Variants in NAALAD2 observed in about 807,000 individuals in gnomAD.
The protein encoded by NAALAD2 is N-acetylated alpha-linked acidic dipeptidase 2.
In NAALAD2, 89 loss-of-function variants were observed where a neutral mutation model predicts 95.6. The observed-to-expected ratio is 0.93, with a 90% CI of 0.78 to 1.11. The LOEUF is 1.11. Ranked by LOEUF, NAALAD2 falls within the 50% of genes least tolerant of loss-of-function variation. The probability of loss-of-function intolerance (pLI) is 0.00; values close to 1 mark genes in which losing one functional copy is unlikely to be tolerated. For synonymous variants in NAALAD2, 264 were observed against 294.4 expected (o/e 0.90, Z 1.06); for missense variants, 894 against 872.4 (o/e 1.02, Z -0.31).
intron 13 of NAALAD2, 122 bp downstream of exon 13, chr11:90,170,258 A>G: frequency 1.5e-6 from 1 of 664,858 alleles, no homozygotes; most frequent in South Asian, 2.0e-5. Context: ...AGAATCATAT[A>G]AACAAAACAA....
intron 6 of NAALAD2, among the ~76,000 whole-genome samples, chr11:90,156,900 T>A (rs1333351925): frequency 6.6e-6 from 1 of 152,196 alleles, no homozygotes; most frequent in Non-Finnish European, 1.5e-5. Context: ...TATTTAATTT[T>A]AAAATATTTG....
intron 14 of NAALAD2, 118 bp downstream of exon 14, chr11:90,174,033 GATA>G: frequency 1.3e-6 from 1 of 774,968 alleles, no homozygotes; most frequent in South Asian, 1.7e-5. Context: ...GCCAAGAAAA[GATA>G]ATGAAGAATT....
chr11:90,149,322 A>G (rs1951828923), intron 4 of NAALAD2, among the ~76,000 whole-genome samples: 2 of 152,224 alleles, frequency 1.3e-5, no homozygotes, highest in Non-Finnish European at 2.9e-5. Flanking sequence ...CAAAACAAAT[A>G]CATTAAAAAC....
rs778617123 is a variant in NAALAD2, at chr11:90,152,298, G to T, written c.610G>T (p.Val204Phe). The change falls in exon 6 of 19, where the codon GTT becomes TTT. Residue 204 changes from valine to phenylalanine, a missense_variant and splice_region_variant. Transcript: ENST00000534061. ...TATGAATTGCACATTGCCCCTGCAG[G>T]TTAAAAATGCCATGTTAGCAGGAGC... ...RYGKIFRGNK[V>F]KNAMLAGAIG... 3 of 1,586,614 alleles carry T rather than the reference G, an allele frequency of 1.9e-6. No homozygotes were observed. Among genetic ancestry groups the T allele is most frequent in the Non-Finnish European group, 2.6e-6 (3 of 1,159,360 alleles).
intron 6 of NAALAD2, among the ~76,000 whole-genome samples, chr11:90,155,057 CAT>C (rs1484449218): frequency 5.6e-4 from 68 of 121,222 alleles, no homozygotes; most frequent in African/African-American, 2.3e-3. Flanking sequence ...ATATTATATA[CAT>C]ATACATATGT....
chr11:90,168,576 C>T (rs780858829), intron 11 of NAALAD2, among the ~76,000 whole-genome samples: 1 of 152,158 alleles, frequency 6.6e-6, no homozygotes, highest in African/African-American at 2.4e-5. Context: ...AGTTCTGATT[C>T]AGTAGATCTA....
Position 90,191,813 on chromosome 11 carries a change from A to C in NAALAD2, c.*66A>C, listed in dbSNP as rs76754203. On this transcript the variant is annotated 3_prime_UTR_variant, in exon 19 of 19. Coordinates refer to ENST00000534061, the MANE Select transcript of NAALAD2 (RefSeq NM_005467.4). Reference sequence around the variant, plus strand: ...TCTGAGGATAAAATTCACCTTTCTGATAACTTATGAAGCCAGGGTGTTCTA... The same window carrying C: ...TCTGAGGATAAAATTCACCTTTCTGCTAACTTATGAAGCCAGGGTGTTCTA... 9,775 of 1,282,134 alleles carry C rather than the reference A, an allele frequency of 7.6e-3. 49 individuals carry two copies. Among genetic ancestry groups the C allele is most frequent in the South Asian group, 0.018 (907 of 49,622 alleles). The allele number at this position is 1,282,134 out of a possible 1,614,324, so 79.4% of individuals were successfully genotyped here.
chr11:90,134,253 G>T (rs541260318), upstream of NAALAD2, among the ~76,000 whole-genome samples: 2 of 152,132 alleles, frequency 1.3e-5, no homozygotes, highest in African/African-American at 4.8e-5. Flanking sequence ...CAGTGATTGC[G>T]GTATTAGTGA....
chr11:90,156,146 G>C (rs1952114018), intron 6 of NAALAD2, among the ~76,000 whole-genome samples: 4 of 151,742 alleles, frequency 2.6e-5, no homozygotes, highest in Admixed American at 2.6e-4. Flanking sequence ...TGTCTTGTTG[G>C]AAGTTTATTA....
intron 6 of NAALAD2, among the ~76,000 whole-genome samples, chr11:90,157,902 G>A (rs1952168350): frequency 6.6e-6 from 1 of 152,070 alleles, no homozygotes; most frequent in Admixed American, 6.6e-5. Context: ...TGTATTTTCA[G>A]TAGAGACGGG....
Position 90,188,722 on chromosome 11 carries a change from G to A in NAALAD2, c.2034-2836G>A, listed in dbSNP as rs1405686186. Among the ~76,000 whole-genome samples the A allele has an allele frequency of 2.0e-5, 3 of 152,178 alleles. No individual in the cohort carries two copies. The East Asian group carries it at 5.8e-4, about 29-fold the overall frequency. ...CATAGCAGCATGCTTGATAAATTTT[G>A]CAAACTTAATTATTTTTGAGTTGTG... On this transcript the variant is annotated intron_variant, in intron 18 of 18. Coordinates refer to ENST00000534061, the MANE Select transcript of NAALAD2 (RefSeq NM_005467.4).
intron 2 of NAALAD2, among the ~76,000 whole-genome samples, chr11:90,141,385 A>T (rs1951610144): frequency 6.6e-6 from 1 of 152,300 alleles, no homozygotes; most frequent in East Asian, 1.9e-4. Flanking sequence ...ATTGTAGATC[A>T]TCTTTCTTTT....
chr11:90,145,628 G>A (rs751061856), intron 2 of NAALAD2, among the ~76,000 whole-genome samples: 3 of 152,064 alleles, frequency 2.0e-5, no homozygotes, highest in Non-Finnish European at 4.4e-5. Context: ...CTGATATAGA[G>A]AAAGACATCT....
At chr11:90,166,343 CTTATTT>C (rs1250397705) in intron 11 of NAALAD2, among the ~76,000 whole-genome samples, 1 of 152,028 alleles carries the variant, frequency 6.6e-6, no homozygotes, top group African/African-American at 2.4e-5. Flanking sequence ...GCGAAAGAGT[CTTATTT>C]TTGTCTTAAT....
At position 90,178,066 on chromosome 11, in the gene NAALAD2, A is replaced by ATGCAGC. The variant is rs1175930484; in HGVS notation, c.1807_1808insTGCAGC (p.Asn603delinsMetGlnHis). The stretch of plus-strand genomic sequence containing the variant: ...GAAAAACTATGCAGCAAGTATCTAT[A>ATGCAGC]ATCTATCTAAGAAACATGATCAACA... On this transcript the variant is annotated protein_altering_variant, in exon 16 of 19. Coordinates refer to ENST00000534061, the MANE Select transcript of NAALAD2 (RefSeq NM_005467.4). 5 of 1,613,530 alleles carry ATGCAGC rather than the reference A, an allele frequency of 3.1e-6. No homozygotes were observed. The East Asian group carries it at 8.9e-5, about 29-fold the overall frequency.
chr11:90,169,273 C>T (rs769863188), intron 12 of NAALAD2: 34 of 250,816 alleles, frequency 1.4e-4, no homozygotes, highest in Non-Finnish European at 2.0e-4. Context: ...CTACTTAAAA[C>T]TCTAGTATTA....
chr11:90,133,215 A>G (rs528261083), upstream of NAALAD2, among the ~76,000 whole-genome samples: 3 of 152,368 alleles, frequency 2.0e-5, no homozygotes, highest in African/African-American at 7.2e-5. Flanking sequence ...TTTGAAATCA[A>G]CATAGCAGTT....
chr11:90,158,162 G>A lies in NAALAD2; in HGVS notation c.814G>A (p.Asp272Asn), dbSNP rs1252627119. The A allele has an allele frequency of 1.2e-6, 2 of 1,606,480 alleles. No homozygotes were observed. The highest frequency in any genetic ancestry group is 2.2e-5 in the East Asian group (1 of 44,724). Residue 272 changes from aspartate (D) to asparagine (N), a missense_variant, in exon 7 of 19, where the codon GAT becomes AAT. Coordinates refer to ENST00000534061, the MANE Select transcript of NAALAD2 (RefSeq NM_005467.4). The part of the protein sequence containing the change: ...YPAKEYTFRL[D>N]VEEGVGIPRI... ...TTTTTTAGAATACACTTTCAGACTT[G>A]ATGTTGAAGAAGGAGTGGGAATCCC...
chr11:90,182,886 GTTATAA>G, intron 17 of NAALAD2, 24 bp from the exon 18 acceptor site: 1 of 1,454,484 alleles, frequency 6.9e-7, no homozygotes, highest in Non-Finnish European at 9.6e-7. Flanking sequence ...TGCGGTTTGC[GTTATAA>G]TTATGTATAT....
Sources: allele counts gnomAD v4.1 joint callset (sites outside exome capture counted in the v4.1 genomes callset), GRCh38; gene constraint gnomAD v4.1.1; transcripts MANE v1.5; gene names NCBI Gene and HGNC (gene_info 2026-07-23, HGNC 2026-07-21).